RAPGEF4: variants seen among roughly 807,000 people sequenced by gnomAD.
RAPGEF4 encodes Rap guanine nucleotide exchange factor 4, also known as RAP guanine-nucleotide-exchange factor (GEF) 4.
Under a neutral mutation model 147.9 loss-of-function variants are expected in RAPGEF4, and 66 were observed. The ratio of observed to expected loss-of-function variants is 0.45; its 90% confidence interval spans 0.37 to 0.55. The LOEUF (loss-of-function observed/expected upper bound fraction) is 0.55, where lower values mean the gene tolerates loss of function less well. RAPGEF4 is among the 20% of genes least tolerant of loss of function. The pLI is 0.00. For synonymous variants in RAPGEF4, 419 were observed against 442.7 expected, an observed-to-expected ratio of 0.95 and a Z score of 0.67; for missense variants, 1,071 against 1,257.3, an observed-to-expected ratio of 0.85 and a Z score of 2.24.
At chr2:172,778,765 G>A (rs1683043687) in intron 1 of RAPGEF4, among the ~76,000 whole-genome samples, 1 of 152,036 alleles carries the variant, frequency 6.6e-6, no homozygotes, top group African/African-American at 2.4e-5. Flanking sequence ...GAATATTTAG[G>A]TTTACTTAAT....
chr2:172,736,201 G>T (rs1054345807), intron 1 of RAPGEF4, 153 bp downstream of exon 1: 44 of 441,590 alleles, frequency 1.0e-4, no homozygotes, highest in Non-Finnish European at 1.5e-4. Flanking sequence ...TCGTCCGGGA[G>T]ACAGGAGGAC....
chr2:173,023,105 C>T (rs960653019), intron 23 of RAPGEF4, among the ~76,000 whole-genome samples: 7 of 152,264 alleles, frequency 4.6e-5, no homozygotes, highest in Non-Finnish European at 7.4e-5. Flanking sequence ...CAGCAAGGGC[C>T]ATAGCAGAGC....
intron 16 of RAPGEF4, among the ~76,000 whole-genome samples, chr2:172,998,174 CA>C (rs1157800411): frequency 1.3e-5 from 2 of 152,168 alleles, no homozygotes; most frequent in Admixed American, 6.5e-5. Context: ...GTTAGTGCTT[CA>C]GGGACACTGA....
At chr2:172,885,936 T>G (rs1242034170) in intron 4 of RAPGEF4, among the ~76,000 whole-genome samples, 1 of 152,172 alleles carries the variant, frequency 6.6e-6, no homozygotes. Flanking sequence ...GTGCCCTGAG[T>G]GCCATGGCTG....
chr2:172,827,379 GA>G (rs1559062279), intron 4 of RAPGEF4, among the ~76,000 whole-genome samples: 1 of 152,076 alleles, frequency 6.6e-6, no homozygotes, highest in Non-Finnish European at 1.5e-5. Context: ...ACCTAGGTCT[GA>G]AACATCTGAC....
chr2:172,795,608 T>C (rs1686283665), intron 2 of RAPGEF4, among the ~76,000 whole-genome samples: 1 of 152,232 alleles, frequency 6.6e-6, no homozygotes, highest in South Asian at 2.1e-4. Context: ...AGAGTAACAG[T>C]TGGATTTTTT....
intron 5 of RAPGEF4, among the ~76,000 whole-genome samples, chr2:172,920,000 T>A (rs1203044052): frequency 1.3e-5 from 2 of 152,156 alleles, no homozygotes; most frequent in Admixed American, 6.5e-5. Context: ...AGGGCAGAGA[T>A]GAGTCAACTG....
At chr2:172,980,834 A>G (rs1228908849) in intron 10 of RAPGEF4, among the ~76,000 whole-genome samples, 1 of 152,128 alleles carries the variant, frequency 6.6e-6, no homozygotes, top group African/African-American at 2.4e-5. Flanking sequence ...ATGTGTGTGC[A>G]GAAGCGGGGT....
At chr2:173,000,202 G>C (rs897002856) in intron 16 of RAPGEF4, among the ~76,000 whole-genome samples, 1 of 152,116 alleles carries the variant, frequency 6.6e-6, no homozygotes, top group African/African-American at 2.4e-5. Context: ...ACATTGAGTT[G>C]TGACAGCTTG....
intron 10 of RAPGEF4, among the ~76,000 whole-genome samples, chr2:172,968,847 A>C (rs763207413): frequency 2.6e-5 from 4 of 152,090 alleles, no homozygotes; most frequent in Non-Finnish European, 5.9e-5. Flanking sequence ...GATGAACACC[A>C]CCATTTTAAG....
At chr2:172,840,727 A>G (rs1253679332) in intron 4 of RAPGEF4, among the ~76,000 whole-genome samples, 1 of 152,270 alleles carries the variant, frequency 6.6e-6, no homozygotes, top group African/African-American at 2.4e-5. Flanking sequence ...CAAAAGCATC[A>G]AGTGAAGCTG....
intron 1 of RAPGEF4, among the ~76,000 whole-genome samples, chr2:172,773,884 T>C (rs1020129835): frequency 1.3e-5 from 2 of 152,166 alleles, no homozygotes; most frequent in African/African-American, 4.8e-5. Context: ...ATGAATTGGC[T>C]CTGAATCCCT....
chr2:172,890,289 G>A (rs1697756465), intron 4 of RAPGEF4, among the ~76,000 whole-genome samples: 2 of 152,194 alleles, frequency 1.3e-5, no homozygotes, highest in Admixed American at 6.5e-5. Flanking sequence ...ACTGGCGACA[G>A]CCATTTCCAC....
chr2:173,011,164 G>GCA (rs1694973506), intron 17 of RAPGEF4, among the ~76,000 whole-genome samples: 2 of 66,022 alleles, frequency 3.0e-5, no homozygotes, highest in East Asian at 3.4e-4. Flanking sequence ...ACTTCAGCGC[G>GCA]CGCGCGCACA....
At chr2:172,971,997 A>G (rs1690539497) in intron 10 of RAPGEF4, among the ~76,000 whole-genome samples, 1 of 143,090 alleles carries the variant, frequency 7.0e-6, no homozygotes, top group African/African-American at 2.5e-5. Flanking sequence ...CGTGAGATAT[A>G]TTGGCTTCAT....
At chr2:172,744,188 T>A (rs1351937057) in intron 1 of RAPGEF4, 3 of 264,718 alleles carry the variant, frequency 1.1e-5, no homozygotes, top group African/African-American at 6.8e-5. Context: ...TCTTGACTTT[T>A]ATTCCACTTT....
intron 6 of RAPGEF4, among the ~76,000 whole-genome samples, chr2:172,940,648 A>T (rs1687054297): frequency 6.6e-6 from 1 of 152,146 alleles, no homozygotes; most frequent in African/African-American, 2.4e-5. Context: ...CTTGTAAATT[A>T]CCCAGTATCA....
intron 4 of RAPGEF4, among the ~76,000 whole-genome samples, chr2:172,907,252 T>C (rs534522420): frequency 6.6e-6 from 1 of 152,362 alleles, no homozygotes; most frequent in South Asian, 2.1e-4. Context: ...AGTATAATAA[T>C]ACATTTGCAA....
At chr2:172,972,981 C>T (rs1290512857) in intron 10 of RAPGEF4, among the ~76,000 whole-genome samples, 4 of 152,110 alleles carry the variant, frequency 2.6e-5, no homozygotes, top group African/African-American at 4.8e-5. Flanking sequence ...TCACAGCATT[C>T]TCTCTTAAAG....
Sources: allele counts gnomAD v4.1 joint callset (sites outside exome capture counted in the v4.1 genomes callset), GRCh38; gene constraint gnomAD v4.1.1; transcripts MANE v1.5; gene names NCBI Gene and HGNC (gene_info 2026-07-23, HGNC 2026-07-21).